Variants in PCNX1 observed in about 807,000 individuals in gnomAD.
PCNX1 encodes the protein pecanex-like protein 1.
In PCNX1, 78 loss-of-function variants were observed where a neutral mutation model predicts 242.2. That is an observed-to-expected ratio of 0.32 (90% CI 0.27 to 0.39). PCNX1 has a LOEUF of 0.39. Among genes scored for constraint, PCNX1 ranks in the 10% least tolerant of loss-of-function variants. The probability of loss-of-function intolerance (pLI) is 1.00; values close to 1 mark genes in which losing one functional copy is unlikely to be tolerated. For synonymous variants in PCNX1, 1,024 were observed against 1,032.9 expected (o/e 0.99, Z 0.17); for missense variants, 2,581 against 2,856.5 (o/e 0.90, Z 2.20).
intron 1 of PCNX1, among the ~76,000 whole-genome samples, chr14:70,909,303 G>A (rs1431388121): frequency 4.0e-5 from 6 of 150,976 alleles, no homozygotes; most frequent in African/African-American, 1.5e-4. Context: ...CTGATGGCTT[G>A]TGGCTTGTTT....
intron 2 of PCNX1, among the ~76,000 whole-genome samples, chr14:70,959,996 T>C: frequency 8.4e-6 from 1 of 119,306 alleles, no homozygotes; most frequent in Non-Finnish European, 1.8e-5. Context: ...GTGAGCATTT[T>C]TTCATGTGTT....
intron 30 of PCNX1, 82 bp from the exon 31 acceptor site, chr14:71,101,908 T>G (rs2141827435): frequency 1.4e-6 from 1 of 698,988 alleles, no homozygotes; most frequent in East Asian, 2.9e-5. Flanking sequence ...AACCAGTTTT[T>G]AAGAACTTTC....
chr14:70,928,341 T>C (rs1039642255), intron 1 of PCNX1, among the ~76,000 whole-genome samples: 3 of 152,204 alleles, frequency 2.0e-5, no homozygotes. Flanking sequence ...GAATGCTTAC[T>C]TTTACTTAAT....
chr14:70,957,286 C>T (rs2058032781), intron 2 of PCNX1, among the ~76,000 whole-genome samples: 1 of 152,032 alleles, frequency 6.6e-6, no homozygotes, highest in Non-Finnish European at 1.5e-5. Flanking sequence ...CACACCCAGC[C>T]TGTTTTTATG....
chr14:70,913,289 A>G (rs28602226), intron 1 of PCNX1, among the ~76,000 whole-genome samples: 245 of 152,248 alleles, frequency 1.6e-3, no homozygotes, highest in African/African-American at 5.6e-3. Context: ...GAATAGTTGG[A>G]GGTGGAGGGA....
intron 24 of PCNX1, among the ~76,000 whole-genome samples, chr14:71,055,116 C>A (rs1246643628): frequency 6.6e-6 from 1 of 152,194 alleles, no homozygotes; most frequent in Admixed American, 6.5e-5. Context: ...TTCCAAAGAA[C>A]ATTGCATCAC....
intron 28 of PCNX1, chr14:71,085,811 C>A: frequency 2.7e-6 from 1 of 369,182 alleles, no homozygotes; most frequent in Non-Finnish European, 5.5e-6. Flanking sequence ...AGGAGCCACA[C>A]AGGTGCCTGG....
At chr14:71,050,249 G>A (rs1355423940) in intron 22 of PCNX1, among the ~76,000 whole-genome samples, 1 of 151,506 alleles carries the variant, frequency 6.6e-6, no homozygotes, top group African/African-American at 2.4e-5. Flanking sequence ...GTATACATGT[G>A]CCATGCTGGT....
At chr14:70,967,119 A>C (rs943714788) in intron 3 of PCNX1, among the ~76,000 whole-genome samples, 2 of 152,352 alleles carry the variant, frequency 1.3e-5, no homozygotes, top group East Asian at 3.9e-4. Context: ...TGTAACTTAC[A>C]CAGCGTAGTG....
Position 70,936,563 on chromosome 14 carries a change from C to CT in PCNX1, c.154-10351dup, listed in dbSNP as rs201924226. 4.9e-3 allele frequency among the ~76,000 whole-genome samples: 742 copies of CT among 152,274 alleles called. 8 individuals carry two copies. Among genetic ancestry groups the CT allele is most frequent in the African/African-American group, 0.017 (710 of 41,540 alleles). ...CATTTGGGTTGGTTCCAAGTCTTTG[C>CT]TATTGTGAATAGTACTGCATTAAAC... On this transcript the variant is annotated intron_variant, in intron 1 of 35. Coordinates refer to ENST00000304743, the MANE Select transcript of PCNX1 (RefSeq NM_014982.3).
intron 12 of PCNX1, among the ~76,000 whole-genome samples, chr14:71,021,922 T>A (rs970576323): frequency 6.6e-6 from 1 of 152,170 alleles, no homozygotes; most frequent in Non-Finnish European, 1.5e-5. Flanking sequence ...TCCAGTGAAG[T>A]CATCCTTTTT....
Position 71,036,056 on chromosome 14 carries a change from T to G in PCNX1, c.3775-9T>G. The G allele has an allele frequency of 6.5e-7, 1 of 1,531,542 alleles. No individual in the cohort carries two copies. The highest frequency in any genetic ancestry group is 8.9e-7 in the Non-Finnish European group (1 of 1,118,112). The allele number at this position is 1,531,542 out of a possible 1,614,324, so 94.9% of individuals were successfully genotyped here. Reference sequence around the variant, plus strand: ...GTAATTGTTTAATAATTCTTTTTTTTCCCCACAGAGTGAGCGATTACAGTC... The same window carrying G: ...GTAATTGTTTAATAATTCTTTTTTTGCCCCACAGAGTGAGCGATTACAGTC... On this transcript the variant is annotated splice_polypyrimidine_tract_variant and intron_variant, in intron 18 of 35. Transcript: ENST00000304743.
intron 2 of PCNX1, among the ~76,000 whole-genome samples, chr14:70,959,118 CTTAT>C (rs1482787748): frequency 6.7e-6 from 1 of 150,302 alleles, no homozygotes; most frequent in Non-Finnish European, 1.5e-5. Context: ...AGGATTATGA[CTTAT>C]TCTAAGAGTT....
chr14:71,063,940 C>T (rs762650619), intron 26 of PCNX1, among the ~76,000 whole-genome samples: 2 of 151,990 alleles, frequency 1.3e-5, no homozygotes, highest in Non-Finnish European at 2.9e-5. Context: ...TTTCTGATTA[C>T]ACTTTCTTTC....
At chr14:70,992,124 C>T (rs2059183611) in intron 7 of PCNX1, among the ~76,000 whole-genome samples, 2 of 151,722 alleles carry the variant, frequency 1.3e-5, no homozygotes, top group Non-Finnish European at 2.9e-5. Context: ...GCTAATTCTT[C>T]CCAGTTAGTA....
intron 16 of PCNX1, chr14:71,031,590 A>G (rs570798157): frequency 1.3e-5 from 7 of 537,932 alleles, no homozygotes; most frequent in African/African-American, 1.1e-4. Flanking sequence ...ACTCAGTCTA[A>G]TCCTGCACAA....
At chr14:70,934,753 G>A (rs904127124) in intron 1 of PCNX1, among the ~76,000 whole-genome samples, 3 of 152,222 alleles carry the variant, frequency 2.0e-5, no homozygotes, top group Non-Finnish European at 4.4e-5. Flanking sequence ...CAAAGTAGGT[G>A]GTGGTTGCCA....
rs1159191669 is a variant in PCNX1, at chr14:70,976,376, T to C, written c.605-566T>C. Among the ~76,000 whole-genome samples, 32 of 148,042 alleles carry C rather than the reference T, an allele frequency of 2.2e-4. 1 individual carries two copies. The South Asian group carries it at 3.0e-3, about 14-fold the overall frequency. ...TTGCTCTTTCTTTCTTTCTTTCTTT[T>C]TTTTTTTTTTTTTTGAGACAGAGTC... is the stretch of plus-strand genomic sequence containing the variant. On this transcript the variant is annotated intron_variant, in intron 5 of 35. Transcript: ENST00000304743.
At position 70,947,014 on chromosome 14, in the gene PCNX1, C is replaced by T. The variant is rs761859733; in HGVS notation, c.253C>T (p.Leu85Phe). ...GGTCAACTATCGACTACACAGAGCA[C>T]TTGATGCTGGAGAAGTTGTAGATAG... The part of the protein sequence containing the change: ...KMVNYRLHRA[L>F]DAGEVVDRTA... Residue 85 changes from leucine to phenylalanine, a missense_variant, in exon 2 of 36, where the codon CTT becomes TTT. Leu to Phe is a conservative substitution (Grantham distance 22). This residue lies in a region of PCNX1 where 1,204 missense variants were observed against 1,216.7 expected (regional missense o/e 0.99). Coordinates refer to ENST00000304743, the MANE Select transcript of PCNX1 (RefSeq NM_014982.3). The T allele has an allele frequency of 3.7e-6, 6 of 1,613,884 alleles. No individual in the cohort carries two copies. The highest frequency in any genetic ancestry group is 5.1e-6 in the Non-Finnish European group (6 of 1,179,884).
Sources: gnomAD v4.1 joint callset for allele counts (sites outside exome capture counted in the v4.1 genomes callset) on GRCh38, gnomAD v4.1.1 for gene constraint, gnomAD v4.1.1 regional missense constraint, MANE v1.5 for transcripts, NCBI Gene and HGNC (gene_info 2026-07-23, HGNC 2026-07-21) for gene names.